The following ADCY8 variants were observed in gnomAD, a reference collection of about 807,000 sequenced individuals.
ADCY8 encodes adenylate cyclase 8, also known as adenylate cyclase type 8.
In ADCY8, 51 loss-of-function variants were observed where a neutral mutation model predicts 119.7. The ratio of observed to expected loss-of-function variants is 0.43; its 90% CI spans 0.34 to 0.54. The LOEUF is 0.54. Among genes scored for constraint, ADCY8 ranks in the 20% least tolerant of loss-of-function variants. The pLI, the probability that ADCY8 is intolerant of heterozygous loss-of-function variation, is 0.03. For synonymous variants in ADCY8, 665 were observed against 651.0 expected (o/e 1.02, Z -0.33); for missense variants, 1,383 against 1,598.8 (o/e 0.87, Z 2.30).
chr8:131,001,609 C>T (rs1356048008), intron 1 of ADCY8, among the ~76,000 whole-genome samples: 2 of 147,314 alleles, frequency 1.4e-5, no homozygotes, highest in Non-Finnish European at 3.0e-5. Flanking sequence ...ACTATATATA[C>T]AAATATTTTA....
chr8:131,014,268 CAAAT>C (rs1823400195), intron 1 of ADCY8, among the ~76,000 whole-genome samples: 1 of 152,096 alleles, frequency 6.6e-6, no homozygotes, highest in African/African-American at 2.4e-5. Context: ...ACGTTTCAAT[CAAAT>C]AAAATGTTCT....
intron 1 of ADCY8, among the ~76,000 whole-genome samples, chr8:131,032,832 C>T (rs182638053): frequency 6.6e-6 from 1 of 152,156 alleles, no homozygotes; most frequent in Non-Finnish European, 1.5e-5. Context: ...CTAGCTTTCC[C>T]TGCTCTGTTG....
intron 3 of ADCY8, 30 bp from the exon 4 acceptor site, chr8:130,943,492 G>C (rs745819255): frequency 3.1e-6 from 2 of 649,008 alleles, no homozygotes; most frequent in East Asian, 8.8e-5. Flanking sequence ...TGGGGGTGGG[G>C]GGAGGAAGTA....
chr8:130,904,073 C>G, intron 6 of ADCY8, 31 bp from the exon 7 acceptor site: 1 of 1,578,136 alleles, frequency 6.3e-7, no homozygotes, highest in Non-Finnish European at 8.6e-7. Flanking sequence ...TCATTACACA[C>G]TCCTGATGTT....
intron 6 of ADCY8, among the ~76,000 whole-genome samples, chr8:130,907,651 GA>G (rs2130543431): frequency 6.6e-6 from 1 of 152,308 alleles, no homozygotes; most frequent in East Asian, 1.9e-4. Context: ...TCAGACTCAT[GA>G]CTCATGATAT....
At chr8:130,951,315 A>G (rs1239179435) in intron 3 of ADCY8, among the ~76,000 whole-genome samples, 3 of 152,186 alleles carry the variant, frequency 2.0e-5, no homozygotes, top group Non-Finnish European at 4.4e-5. Context: ...AGTACATGCC[A>G]TGTTGTCCAG....
At chr8:130,943,497 G>GGGGGGGGGCACC in intron 3 of ADCY8, 35 bp from the exon 4 acceptor site, 3 of 491,336 alleles carry the variant, frequency 6.1e-6, no homozygotes, top group Non-Finnish European at 1.3e-5. Flanking sequence ...GTGGGGGGAG[G>GGGGGGGGGCACC]AAGTATATTA....
intron 7 of ADCY8, among the ~76,000 whole-genome samples, chr8:130,886,125 A>G (rs753487442): frequency 9.9e-5 from 15 of 152,062 alleles, no homozygotes; most frequent in Admixed American, 2.6e-4. Context: ...AACCTTCATG[A>G]AGGTAATCAA....
chr8:130,806,122 A>G (rs1259073401), intron 14 of ADCY8, among the ~76,000 whole-genome samples: 1 of 152,156 alleles, frequency 6.6e-6, no homozygotes, highest in Non-Finnish European at 1.5e-5. Flanking sequence ...CGACCCCCAC[A>G]GCTGTGGGCA....
intron 12 of ADCY8, among the ~76,000 whole-genome samples, chr8:130,829,104 C>T (rs1437620751): frequency 1.3e-5 from 2 of 152,190 alleles, no homozygotes; most frequent in African/African-American, 4.8e-5. Context: ...TACCTAGTTC[C>T]TCTGGTTCCA....
At chr8:130,962,407 G>T (rs1821631517) in intron 2 of ADCY8, among the ~76,000 whole-genome samples, 1 of 152,138 alleles carries the variant, frequency 6.6e-6, no homozygotes, top group South Asian at 2.1e-4. Flanking sequence ...CCAGACTGTG[G>T]CCCTGGGTGG....
At chr8:131,022,632 T>C (rs1193991222) in intron 1 of ADCY8, among the ~76,000 whole-genome samples, 1 of 152,158 alleles carries the variant, frequency 6.6e-6, no homozygotes, top group African/African-American at 2.4e-5. Context: ...TTTACTTCTG[T>C]CACAGGCAGC....
intron 3 of ADCY8, among the ~76,000 whole-genome samples, chr8:130,947,741 C>T (rs565771677): frequency 8.2e-4 from 125 of 152,312 alleles, no homozygotes; most frequent in African/African-American, 3.0e-3. Flanking sequence ...ACAAACATGT[C>T]TCCCAGACAG....
intron 2 of ADCY8, among the ~76,000 whole-genome samples, chr8:130,985,114 A>G (rs921536542): frequency 6.6e-6 from 1 of 152,144 alleles, no homozygotes; most frequent in Admixed American, 6.5e-5. Flanking sequence ...CCCTAGTAAA[A>G]TTAAGAGAGG....
chr8:130,992,394 TATATATATATATATA>T lies in ADCY8; in HGVS notation c.961-1867_961-1853del, dbSNP rs1563758987. ...CAACTGTATCTGGCATATATATATA[TATATATATATATATA>T]TATATATATATATATATATATTTGA... On this transcript the variant is annotated intron_variant, in intron 1 of 17. Coordinates refer to ENST00000286355, the MANE Select transcript of ADCY8 (RefSeq NM_001115.3). 1.3e-3 allele frequency among the ~76,000 whole-genome samples: 159 copies of T among 117,808 alleles called. 14 individuals are homozygous for T. Among genetic ancestry groups the T allele is most frequent in the African/African-American group, 2.9e-3 (72 of 24,806 alleles). The allele number at this position is 117,808 out of a possible 152,430, so 77.3% of individuals were successfully genotyped here. A position where few individuals can be genotyped will look rare whatever the true frequency, so the allele number is the denominator to read the frequency against.
At chr8:130,793,830 A>G (rs748658601) in intron 15 of ADCY8, among the ~76,000 whole-genome samples, 1 of 152,214 alleles carries the variant, frequency 6.6e-6, no homozygotes, top group African/African-American at 2.4e-5. Flanking sequence ...TTTTATCCCT[A>G]TGCACTTCTA....
intron 6 of ADCY8, among the ~76,000 whole-genome samples, chr8:130,909,432 G>T (rs1329950735): frequency 6.6e-6 from 1 of 152,128 alleles, no homozygotes; most frequent in Non-Finnish European, 1.5e-5. Flanking sequence ...TTTTTTAAAT[G>T]TTCCTTTGGA....
At chr8:130,977,143 C>A (rs1822096138) in intron 2 of ADCY8, among the ~76,000 whole-genome samples, 1 of 152,288 alleles carries the variant, frequency 6.6e-6, no homozygotes. Context: ...GGAGAAACTG[C>A]CCGGGTCGGG....
intron 1 of ADCY8, among the ~76,000 whole-genome samples, chr8:131,012,949 T>C (rs1823357160): frequency 6.6e-6 from 1 of 152,172 alleles, no homozygotes. Flanking sequence ...AGACCTAACT[T>C]TGAACAACTA....
Sources: gnomAD v4.1 joint callset for allele counts (sites outside exome capture counted in the v4.1 genomes callset) on GRCh38, gnomAD v4.1.1 for gene constraint, MANE v1.5 for transcripts, NCBI Gene and HGNC (gene_info 2026-07-23, HGNC 2026-07-21) for gene names.